Variants in CADM2 observed in about 807,000 individuals in gnomAD.
The protein encoded by CADM2 is cell adhesion molecule 2.
CADM2 carries 12 observed loss-of-function variants against 49.8 expected under a neutral mutation model. The observed-to-expected ratio is 0.24, with a 90% CI of 0.15 to 0.39. The LOEUF (loss-of-function observed/expected upper bound fraction) is 0.39, where lower values mean the gene tolerates loss of function less well. Ranked by LOEUF, CADM2 falls within the 10% of genes least tolerant of loss-of-function variation. CADM2 has a pLI of 1.00. For synonymous variants in CADM2, 214 were observed against 175.4 expected (o/e 1.22, Z -1.74); for missense variants, 378 against 492.3 (o/e 0.77, Z 2.20).
intron 1 of CADM2, among the ~76,000 whole-genome samples, chr3:85,661,284 G>A (rs951062886): frequency 2.0e-5 from 3 of 152,130 alleles, no homozygotes; most frequent in African/African-American, 7.2e-5. Flanking sequence ...GCTGGCAACA[G>A]ATGATTAGCT....
intron 1 of CADM2, among the ~76,000 whole-genome samples, chr3:85,055,996 G>T (rs1312940830): frequency 6.6e-6 from 1 of 152,056 alleles, no homozygotes; most frequent in African/African-American, 2.4e-5. Context: ...CAAAAGGTCA[G>T]TTAAGGGCTC....
At chr3:85,801,938 G>A in intron 2 of CADM2, 109 bp from the exon 3 acceptor site, 5 of 879,948 alleles carry the variant, frequency 5.7e-6, no homozygotes, top group Non-Finnish European at 8.4e-6. Flanking sequence ...TCGTTGTTTG[G>A]TTGTTTTAAA....
At chr3:85,471,387 C>A (rs1210291348) in intron 1 of CADM2, among the ~76,000 whole-genome samples, 2 of 152,130 alleles carry the variant, frequency 1.3e-5, no homozygotes, top group African/African-American at 4.8e-5. Context: ...TCTATCAACA[C>A]AAACTTAATA....
At chr3:85,185,030 A>G (rs956404476) in intron 1 of CADM2, among the ~76,000 whole-genome samples, 5 of 152,122 alleles carry the variant, frequency 3.3e-5, no homozygotes, top group African/African-American at 4.8e-5. Context: ...TAAGGTCCCT[A>G]TAAGAGAAAT....
intron 3 of CADM2, among the ~76,000 whole-genome samples, chr3:85,803,434 A>G (rs997360307): frequency 1.3e-5 from 2 of 152,116 alleles, no homozygotes; most frequent in African/African-American, 4.8e-5. Context: ...TGAACCAGGG[A>G]TAAAGGAACT....
intron 1 of CADM2, among the ~76,000 whole-genome samples, chr3:85,639,111 A>C (rs2107545768): frequency 6.6e-6 from 1 of 152,338 alleles, no homozygotes; most frequent in Admixed American, 6.5e-5. Flanking sequence ...AATGGTAAAT[A>C]AGAAATGAAC....
intron 1 of CADM2, among the ~76,000 whole-genome samples, chr3:85,461,779 G>GA (rs1415098189): frequency 1.3e-5 from 2 of 152,132 alleles, no homozygotes; most frequent in Non-Finnish European, 2.9e-5. Context: ...AAGAAAGACA[G>GA]AAAAACTATT....
At chr3:85,918,059 A>G (rs1718604130) in intron 6 of CADM2, among the ~76,000 whole-genome samples, 1 of 151,568 alleles carries the variant, frequency 6.6e-6, no homozygotes, top group African/African-American at 2.4e-5. Flanking sequence ...TTGGGCTTAG[A>G]CGATGGGGTT....
chr3:85,912,609 A>C (rs528505472), intron 6 of CADM2, 66 bp downstream of exon 6: 2 of 1,470,784 alleles, frequency 1.4e-6, no homozygotes, highest in East Asian at 2.4e-5. Context: ...ATCTAAAATC[A>C]TTTCAAAACT....
intron 1 of CADM2, among the ~76,000 whole-genome samples, chr3:85,189,934 G>A (rs1424442279): frequency 2.0e-5 from 3 of 146,914 alleles, no homozygotes; most frequent in Non-Finnish European, 3.0e-5. Flanking sequence ...CTTACACAAG[G>A]TAGCTGGTCT....
chr3:86,051,901 C>A (rs1478372621), intron 8 of CADM2, among the ~76,000 whole-genome samples: 2 of 152,122 alleles, frequency 1.3e-5, no homozygotes, highest in Non-Finnish European at 2.9e-5. Flanking sequence ...CTACCTCCAA[C>A]CCTGGGAATT....
chr3:85,153,625 C>T (rs1399961701), intron 1 of CADM2, among the ~76,000 whole-genome samples: 4 of 152,192 alleles, frequency 2.6e-5, no homozygotes, highest in East Asian at 1.9e-4. Context: ...TAGGCTCCAT[C>T]TCTGGGGGCA....
intron 1 of CADM2, among the ~76,000 whole-genome samples, chr3:85,248,728 G>A (rs566583712): frequency 1.2e-4 from 18 of 152,098 alleles, no homozygotes; most frequent in African/African-American, 3.4e-4. Flanking sequence ...TATTTAAATC[G>A]AAAGTAGGTT....
chr3:85,965,333 T>G (rs1416671396), intron 8 of CADM2, among the ~76,000 whole-genome samples: 2 of 149,458 alleles, frequency 1.3e-5, no homozygotes, highest in Admixed American at 6.7e-5. Flanking sequence ...TACAAATTAA[T>G]AAATTCATTT....
At chr3:85,888,079 GT>G (rs371293088) in intron 5 of CADM2, among the ~76,000 whole-genome samples, 22 of 152,188 alleles carry the variant, frequency 1.4e-4, no homozygotes, top group African/African-American at 5.3e-4. Flanking sequence ...TTACCTACAT[GT>G]TTTTTCTTCC....
intron 5 of CADM2, among the ~76,000 whole-genome samples, chr3:85,889,619 C>T (rs1451912312): frequency 6.6e-6 from 1 of 152,094 alleles, no homozygotes; most frequent in African/African-American, 2.4e-5. Context: ...ATGGTTGCCT[C>T]AAAGTGCTTT....
chr3:85,324,952 C>T (rs2044707795), intron 1 of CADM2, among the ~76,000 whole-genome samples: 1 of 152,188 alleles, frequency 6.6e-6, no homozygotes, highest in Admixed American at 6.5e-5. Flanking sequence ...TCTGCAAGGC[C>T]TTGCCCTCTG....
chr3:85,860,576 G>C (rs1175271053), intron 3 of CADM2, among the ~76,000 whole-genome samples: 1 of 152,140 alleles, frequency 6.6e-6, no homozygotes, highest in Non-Finnish European at 1.5e-5. Flanking sequence ...TCCAGTCTCT[G>C]GTGAGGGCCT....
At chr3:85,363,568 T>C (rs1488326559) in intron 1 of CADM2, among the ~76,000 whole-genome samples, 1 of 152,200 alleles carries the variant, frequency 6.6e-6, no homozygotes, top group African/African-American at 2.4e-5. Context: ...CCACTATTTA[T>C]TATGTAAAGA....
Sources: gnomAD v4.1 joint callset for allele counts (sites outside exome capture counted in the v4.1 genomes callset) on GRCh38, gnomAD v4.1.1 for gene constraint, MANE v1.5 for transcripts, NCBI Gene and HGNC (gene_info 2026-07-23, HGNC 2026-07-21) for gene names.